SGCZ: variants seen among roughly 807,000 people sequenced by gnomAD.
The protein encoded by SGCZ is zeta-sarcoglycan.
SGCZ carries 40 observed loss-of-function variants against 41.3 expected under a neutral mutation model. The observed-to-expected ratio is 0.97, with a 90% CI of 0.75 to 1.26. The LOEUF (loss-of-function observed/expected upper bound fraction) is 1.26, where lower values mean the gene tolerates loss of function less well. Among genes scored for constraint, SGCZ ranks in the 50% most tolerant of loss-of-function variants. SGCZ has a pLI of 0.00. For synonymous variants in SGCZ, 206 were observed against 137.5 expected (o/e 1.50, Z -3.49); for missense variants, 552 against 369.8 (o/e 1.49, Z -4.04).
chr8:14,426,866 A>C (rs189586051), intron 2 of SGCZ, among the ~76,000 whole-genome samples: 1 of 152,304 alleles, frequency 6.6e-6, no homozygotes, highest in Admixed American at 6.5e-5. Flanking sequence ...AGAATGGAAA[A>C]AATGTCTAAG....
intron 1 of SGCZ, among the ~76,000 whole-genome samples, chr8:15,147,091 T>C (rs965024364): frequency 2.0e-5 from 3 of 152,132 alleles, no homozygotes; most frequent in Non-Finnish European, 2.9e-5. Context: ...TATACATCAT[T>C]GAAAATATTA....
chr8:15,108,167 G>A (rs982544692), intron 1 of SGCZ, among the ~76,000 whole-genome samples: 12 of 151,806 alleles, frequency 7.9e-5, no homozygotes, highest in Middle Eastern at 3.2e-3. Context: ...TTTTCCATGC[G>A]TTAATTTTGC....
intron 1 of SGCZ, among the ~76,000 whole-genome samples, chr8:14,671,676 C>T (rs1353143791): frequency 6.6e-6 from 1 of 152,044 alleles, no homozygotes; most frequent in Non-Finnish European, 1.5e-5. Flanking sequence ...TCTTAACATT[C>T]AAACCATGCA....
chr8:14,639,915 T>G (rs1207924831), intron 1 of SGCZ, among the ~76,000 whole-genome samples: 6 of 151,694 alleles, frequency 4.0e-5, no homozygotes, highest in Non-Finnish European at 7.4e-5. Flanking sequence ...CTCTACTCCT[T>G]GGACACTTGA....
chr8:15,147,640 C>T (rs1799071612), intron 1 of SGCZ, among the ~76,000 whole-genome samples: 1 of 152,106 alleles, frequency 6.6e-6, no homozygotes, highest in South Asian at 2.1e-4. Flanking sequence ...AGGACACGAT[C>T]CCTTATGTAG....
rs574976189 is a variant in SGCZ at position 14,975,988 on chromosome 8, A to G, written c.39+261597T>C. On this transcript the variant is annotated intron_variant, in intron 1 of 7. Transcript: ENST00000382080. ...TGTGTGTGCGTGTGTGTATGTGTGT[A>G]TATATATATATACATATATATATAT... Among the ~76,000 whole-genome samples the G allele has an allele frequency of 1.4e-3, 138 of 98,178 alleles. 1 individual carries two copies. In the South Asian group the frequency reaches 0.035, roughly 25 times the overall value. 64.4% of individuals were successfully genotyped at this position (98,178 alleles called of 152,430 possible).
chr8:14,643,568 A>T (rs908033627), intron 1 of SGCZ, among the ~76,000 whole-genome samples: 1 of 151,632 alleles, frequency 6.6e-6, no homozygotes, highest in Non-Finnish European at 1.5e-5. Flanking sequence ...AGCTTAATCC[A>T]TGGCAAGACA....
chr8:15,125,409 T>A (rs1040574159), intron 1 of SGCZ, among the ~76,000 whole-genome samples: 19 of 152,116 alleles, frequency 1.2e-4, no homozygotes, highest in African/African-American at 4.6e-4. Flanking sequence ...AGTGGTGAAT[T>A]CCTCCTGGGA....
intron 1 of SGCZ, among the ~76,000 whole-genome samples, chr8:15,183,740 T>G (rs995564978): frequency 6.6e-6 from 1 of 152,218 alleles, no homozygotes; most frequent in South Asian, 2.1e-4. Context: ...CAACTATTTA[T>G]AATTGCTAGA....
intron 3 of SGCZ, among the ~76,000 whole-genome samples, chr8:14,314,032 G>T (rs925843361): frequency 6.6e-6 from 1 of 151,840 alleles, no homozygotes; most frequent in African/African-American, 2.4e-5. Context: ...TTGAGGTGAT[G>T]AAGGGATCTT....
chr8:14,618,680 G>A (rs533550602), intron 1 of SGCZ, among the ~76,000 whole-genome samples: 1 of 152,154 alleles, frequency 6.6e-6, no homozygotes, highest in Non-Finnish European at 1.5e-5. Context: ...AGGAAGTTTT[G>A]TGTAGGAAGA....
At chr8:14,633,147 G>C (rs1257629334) in intron 1 of SGCZ, among the ~76,000 whole-genome samples, 1 of 151,928 alleles carries the variant, frequency 6.6e-6, no homozygotes, top group South Asian at 2.1e-4. Flanking sequence ...AAATGCATTA[G>C]CATGTCATGA....
intron 1 of SGCZ, among the ~76,000 whole-genome samples, chr8:14,886,443 G>C (rs1380912667): frequency 6.6e-6 from 1 of 152,078 alleles, no homozygotes. Flanking sequence ...TCAGAGGGTG[G>C]ACACATATTT....
Position 15,224,690 on chromosome 8 carries a change from C to G in SGCZ, c.39+12895G>C, listed in dbSNP as rs1271306341. Reference sequence around the variant, plus strand: ...ACTATATGCTGCTTTCCAGATGTATCTAAAATCTGAATATACAAAAAGGTT... The same window carrying G: ...ACTATATGCTGCTTTCCAGATGTATGTAAAATCTGAATATACAAAAAGGTT... On this transcript the variant is annotated intron_variant, in intron 1 of 7. Transcript: ENST00000382080. Among the ~76,000 whole-genome samples the G allele has an allele frequency of 7.2e-5, 11 of 152,032 alleles. No homozygotes were observed. The South Asian group carries it at 1.0e-3, about 14-fold the overall frequency.
rs112590430 is a variant in SGCZ, at chr8:14,396,226, C to T, written c.235-72022G>A. Among the ~76,000 whole-genome samples the T allele has an allele frequency of 1.7e-4, 26 of 152,218 alleles. 1 individual carries two copies. The highest frequency in any genetic ancestry group is 3.4e-3 in the Middle Eastern group (1 of 294). The stretch of plus-strand genomic sequence containing the variant: ...TATCTGCTTCTTATTTTAGTTCCTA[C>T]GCAATATACTTTCAATTTAGTGTAA... On this transcript the variant is annotated intron_variant, in intron 2 of 7. Transcript: ENST00000382080.
intron 1 of SGCZ, among the ~76,000 whole-genome samples, chr8:15,160,605 TC>T: frequency 6.6e-6 from 1 of 152,200 alleles, no homozygotes; most frequent in Non-Finnish European, 1.5e-5. Flanking sequence ...TATAGCCCTC[TC>T]CCAATTTTTC....
chr8:14,787,035 C>G (rs973370782), intron 1 of SGCZ, among the ~76,000 whole-genome samples: 2 of 151,988 alleles, frequency 1.3e-5, no homozygotes, highest in African/African-American at 4.8e-5. Context: ...GAATCAGGAG[C>G]AGTAACATCA....
intron 2 of SGCZ, among the ~76,000 whole-genome samples, chr8:14,462,816 G>A (rs780255017): frequency 9.2e-5 from 14 of 151,684 alleles, no homozygotes; most frequent in Non-Finnish European, 1.8e-4. Flanking sequence ...GGGTAATACT[G>A]TCATCTTAAC....
chr8:15,069,643 C>A (rs1366576167), intron 1 of SGCZ, among the ~76,000 whole-genome samples: 1 of 152,198 alleles, frequency 6.6e-6, no homozygotes, highest in East Asian at 1.9e-4. Flanking sequence ...CACTATCTTA[C>A]TTTTGCTTAC....
Sources: allele counts gnomAD v4.1 joint callset (sites outside exome capture counted in the v4.1 genomes callset), GRCh38; gene constraint gnomAD v4.1.1; transcripts MANE v1.5; gene names NCBI Gene and HGNC (gene_info 2026-07-23, HGNC 2026-07-21).